The following PPP2R2B variants were observed in gnomAD, a reference collection of about 807,000 sequenced individuals.
PPP2R2B encodes serine/threonine-protein phosphatase 2A 55 kDa regulatory subunit B beta isoform.
A neutral mutation model predicts 46.0 loss-of-function variants in PPP2R2B; 5 were observed. The ratio of observed to expected loss-of-function variants is 0.11; its 90% confidence interval spans 0.06 to 0.23. The LOEUF (loss-of-function observed/expected upper bound fraction) is 0.23. Among genes scored for constraint, PPP2R2B ranks in the 10% least tolerant of loss-of-function variants. PPP2R2B has a pLI of 1.00. For missense variants in PPP2R2B, 367 were observed against 575.0 expected, an observed-to-expected ratio of 0.64 and a Z score of 3.70; for synonymous variants, 215 against 206.7, an observed-to-expected ratio of 1.04 and a Z score of -0.34.
intron 1 of PPP2R2B, among the ~76,000 whole-genome samples, chr5:147,020,064 C>G (rs925203294): frequency 6.6e-6 from 1 of 152,166 alleles, no homozygotes; most frequent in African/African-American, 2.4e-5. Context: ...GCTCTTTCTA[C>G]CCAATCTTTC....
chr5:146,628,712 A>G (rs1305679268), intron 7 of PPP2R2B, among the ~76,000 whole-genome samples: 1 of 152,208 alleles, frequency 6.6e-6, no homozygotes, highest in Non-Finnish European at 1.5e-5. Flanking sequence ...GCATTCAGCA[A>G]ATGTGTACTG....
intron 1 of PPP2R2B, among the ~76,000 whole-genome samples, chr5:146,971,111 T>C (rs1449895014): frequency 1.3e-5 from 2 of 152,228 alleles, no homozygotes; most frequent in Non-Finnish European, 1.5e-5. Context: ...TAATGATAAC[T>C]TTTTGCTCCT....
At chr5:146,953,621 C>A (rs1751730582) in intron 1 of PPP2R2B, among the ~76,000 whole-genome samples, 1 of 151,854 alleles carries the variant, frequency 6.6e-6, no homozygotes, top group Admixed American at 6.6e-5. Flanking sequence ...AAAATGAATC[C>A]CACCAAGTGA....
intron 2 of PPP2R2B, among the ~76,000 whole-genome samples, chr5:146,777,784 C>T (rs1478841254): frequency 6.6e-6 from 1 of 152,122 alleles, no homozygotes; most frequent in Non-Finnish European, 1.5e-5. Flanking sequence ...GGAACTTAAA[C>T]ATATTTTTGG....
At chr5:147,055,932 G>T in exon 1 of PPP2R2B, 1 of 1,416,900 alleles carries the variant, frequency 7.1e-7, no homozygotes, top group Non-Finnish European at 9.2e-7. Flanking sequence ...AGGAAGCACT[G>T]CCTTACATTT....
At position 146,837,162 on chromosome 5, in the gene PPP2R2B, G is replaced by A. The variant is rs977478560; in HGVS notation, c.70+40840C>T. Among the ~76,000 whole-genome samples, 5 of 152,120 alleles carry A rather than the reference G, an allele frequency of 3.3e-5. No individual in the cohort carries two copies. In the South Asian group the frequency reaches 6.2e-4, roughly 19 times the overall value. ...ACACATTCAGTAGAAAATGTACTTC[G>A]AGTATCCACACGATCATTGTTTTTT... is the stretch of plus-strand genomic sequence containing the variant. On this transcript the variant is annotated intron_variant, in intron 2 of 9. Transcript: ENST00000394411.
intron 2 of PPP2R2B, 93 bp downstream of exon 2, chr5:146,877,909 T>G (rs1169888883): frequency 7.0e-7 from 1 of 1,432,940 alleles, no homozygotes. Flanking sequence ...CCCGGAGGAG[T>G]CTCCGCCACT....
Position 146,877,983 on chromosome 5 carries a change from G to A in PPP2R2B, c.70+19C>T. 1 of 1,604,444 alleles carries A rather than the reference G, an allele frequency of 6.2e-7. No individual in the cohort carries two copies. Among genetic ancestry groups the A allele is most frequent in the Non-Finnish European group, 8.5e-7 (1 of 1,173,598 alleles). ...TTGCGCCCGGCCCCAACGGCGGAAT[G>A]CGGCGGGGCTGGCGTTACCTTCGGT... On this transcript the variant is annotated intron_variant, in intron 2 of 9. Coordinates refer to ENST00000394411, the MANE Select transcript of PPP2R2B (RefSeq NM_181675.4).
chr5:147,010,421 T>A (rs545843500), intron 1 of PPP2R2B, among the ~76,000 whole-genome samples: 88 of 152,268 alleles, frequency 5.8e-4, no homozygotes, highest in Non-Finnish European at 9.6e-4. Flanking sequence ...CTCACCATAA[T>A]GTAGAATCAG....
chr5:146,636,628 GT>G (rs1271920014), intron 7 of PPP2R2B, among the ~76,000 whole-genome samples: 1 of 152,146 alleles, frequency 6.6e-6, no homozygotes, highest in Non-Finnish European at 1.5e-5. Context: ...CACCAGAACT[GT>G]ATTTGGTGGA....
intron 1 of PPP2R2B, among the ~76,000 whole-genome samples, chr5:147,014,225 G>A (rs1754885177): frequency 7.0e-6 from 1 of 142,068 alleles, no homozygotes; most frequent in African/African-American, 2.6e-5. Flanking sequence ...TCATTAGAAA[G>A]TCAGGAAAAA....
intron 2 of PPP2R2B, among the ~76,000 whole-genome samples, chr5:146,757,849 G>C (rs1753928974): frequency 6.6e-6 from 1 of 152,092 alleles, no homozygotes; most frequent in Admixed American, 6.6e-5. Flanking sequence ...GGCTTTTGAA[G>C]GCCAAGAAAA....
chr5:146,831,360 G>T (rs2151350874), intron 2 of PPP2R2B, among the ~76,000 whole-genome samples: 1 of 152,058 alleles, frequency 6.6e-6, no homozygotes, highest in East Asian at 1.9e-4. Context: ...AGCCGAGTGT[G>T]GTGGCAGGTG....
intron 2 of PPP2R2B, among the ~76,000 whole-genome samples, chr5:146,776,652 C>T (rs1755200685): frequency 6.6e-6 from 1 of 151,976 alleles, no homozygotes; most frequent in Non-Finnish European, 1.5e-5. Flanking sequence ...TAAAATTGGA[C>T]TTCACCGAAA....
At chr5:146,833,669 T>C (rs1248646719) in intron 2 of PPP2R2B, among the ~76,000 whole-genome samples, 1 of 152,162 alleles carries the variant, frequency 6.6e-6, no homozygotes, top group East Asian at 1.9e-4. Flanking sequence ...GAATGGGTAT[T>C]AATGAGATGG....
chr5:146,653,048 A>G (rs1052988655), intron 5 of PPP2R2B, among the ~76,000 whole-genome samples: 3 of 152,204 alleles, frequency 2.0e-5, no homozygotes, highest in Non-Finnish European at 2.9e-5. Context: ...CTCTGTGTCA[A>G]GTATTCTTCA....
At chr5:146,819,231 A>G (rs1758112037) in intron 2 of PPP2R2B, among the ~76,000 whole-genome samples, 1 of 152,188 alleles carries the variant, frequency 6.6e-6, no homozygotes, top group Non-Finnish European at 1.5e-5. Context: ...GCTCTCCTGC[A>G]TCTTCTGTGT....
chr5:146,849,834 T>G (rs1283654202), intron 2 of PPP2R2B, among the ~76,000 whole-genome samples: 1 of 152,214 alleles, frequency 6.6e-6, no homozygotes, highest in East Asian at 1.9e-4. Flanking sequence ...AAATAGAGCT[T>G]CTACCCTGTA....
chr5:146,685,103 T>C (rs35073767), intron 5 of PPP2R2B, among the ~76,000 whole-genome samples: 15,918 of 152,176 alleles, frequency 0.1, 1,400 homozygotes, highest in African/African-American at 0.23. Flanking sequence ...TAGTAGACAC[T>C]GAGATACAAA....
Sources: gnomAD v4.1 joint callset for allele counts (sites outside exome capture counted in the v4.1 genomes callset) on GRCh38, gnomAD v4.1.1 for gene constraint, MANE v1.5 for transcripts, NCBI Gene and HGNC (gene_info 2026-07-23, HGNC 2026-07-21) for gene names.